The following PPP1R9A variants were observed in gnomAD, a reference collection of about 807,000 sequenced individuals.
The protein encoded by PPP1R9A is neurabin-1.
PPP1R9A carries 59 observed loss-of-function variants against 141.9 expected under a neutral mutation model. That is an observed-to-expected ratio of 0.42 (90% CI 0.34 to 0.52). The LOEUF (loss-of-function observed/expected upper bound fraction) is 0.52. PPP1R9A is among the 20% of genes least tolerant of loss of function. The pLI is 0.10. For synonymous variants in PPP1R9A, 500 were observed against 569.7 expected, an observed-to-expected ratio of 0.88 and a Z score of 1.74; for missense variants, 1,444 against 1,611.9, an observed-to-expected ratio of 0.90 and a Z score of 1.78.
intron 14 of PPP1R9A, among the ~76,000 whole-genome samples, chr7:95,273,468 T>C (rs913239462): frequency 6.6e-6 from 1 of 152,160 alleles, no homozygotes; most frequent in Non-Finnish European, 1.5e-5. Context: ...GCTTTGGAGA[T>C]ACGGGAGAAG....
intron 16 of PPP1R9A, among the ~76,000 whole-genome samples, chr7:95,282,373 G>C (rs1323617733): frequency 6.6e-6 from 1 of 152,114 alleles, no homozygotes; most frequent in Non-Finnish European, 1.5e-5. Flanking sequence ...TGCATAGATA[G>C]TGAGAACTCC....
At chr7:94,980,706 C>T (rs575788915) in intron 2 of PPP1R9A, among the ~76,000 whole-genome samples, 1 of 151,410 alleles carries the variant, frequency 6.6e-6, no homozygotes. Flanking sequence ...CCTACCTTAT[C>T]TCTGAGGTGC....
In PPP1R9A at chr7:95,079,223, A is replaced by G. The variant is rs1270799375; in HGVS notation, c.1396-32036A>G. On this transcript the variant is annotated intron_variant, in intron 2 of 19. Coordinates refer to ENST00000433360, the MANE Select transcript of PPP1R9A (RefSeq NM_001166160.2). ...ATGGCTAGCCAGTTTTCCTAGCACC[A>G]TTTATTAAATAGGGAATCCTTTCCC... Among the ~76,000 whole-genome samples, 26 of 152,312 alleles carry G rather than the reference A, an allele frequency of 1.7e-4. No individual in the cohort carries two copies. In the East Asian group the frequency reaches 5.0e-3, roughly 29 times the overall value.
intron 18 of PPP1R9A, chr7:95,287,082 T>G (rs1355292441): frequency 1.2e-6 from 2 of 1,602,550 alleles, no homozygotes; most frequent in East Asian, 2.2e-5. Flanking sequence ...ACTTTTCTTC[T>G]TGATTCTTTT....
intron 2 of PPP1R9A, among the ~76,000 whole-genome samples, chr7:95,042,680 G>A (rs1463175360): frequency 5.9e-5 from 9 of 152,106 alleles, no homozygotes. Context: ...TTCATGATGT[G>A]TTGATCTAAA....
rs192997717 is a variant in PPP1R9A at position 95,108,292 on chromosome 7, T to G, written c.1396-2967T>G. Among the ~76,000 whole-genome samples the G allele has an allele frequency of 1.6e-4, 23 of 148,324 alleles. No homozygotes were observed. In the East Asian group the frequency reaches 4.3e-3, roughly 28 times the overall value. ...TTCTTTTTCTTTTTCTTTTCTTTTC[T>G]TTTTCGTTTCTTTTCTTTTTTTTTT... On this transcript the variant is annotated intron_variant, in intron 2 of 19. Coordinates refer to ENST00000433360, the MANE Select transcript of PPP1R9A (RefSeq NM_001166160.2).
intron 7 of PPP1R9A, among the ~76,000 whole-genome samples, chr7:95,211,894 G>A (rs1215744186): frequency 1.3e-5 from 2 of 152,156 alleles, no homozygotes; most frequent in Non-Finnish European, 2.9e-5. Context: ...GGAAGCTGAG[G>A]TGGGAAGATC....
intron 5 of PPP1R9A, among the ~76,000 whole-genome samples, chr7:95,181,162 A>ATATATATATAGATATATCTATC (rs1833685063): frequency 6.8e-6 from 1 of 147,414 alleles, no homozygotes; most frequent in Non-Finnish European, 1.5e-5. Flanking sequence ...AGAAACTGTG[A>ATATATATATAGATATATCTATC]TATATATATA....
intron 14 of PPP1R9A, among the ~76,000 whole-genome samples, chr7:95,270,398 T>C (rs1801986569): frequency 6.6e-6 from 1 of 152,172 alleles, no homozygotes; most frequent in Non-Finnish European, 1.5e-5. Context: ...GATAAGGCTC[T>C]GGTTACCCTA....
chr7:94,979,098 A>T (rs1799797198), intron 2 of PPP1R9A, among the ~76,000 whole-genome samples: 1 of 152,206 alleles, frequency 6.6e-6, no homozygotes, highest in Non-Finnish European at 1.5e-5. Flanking sequence ...TGTCCAGCCA[A>T]CATCAACATT....
chr7:95,265,713 T>A (rs1367385157), intron 12 of PPP1R9A, among the ~76,000 whole-genome samples: 1 of 152,178 alleles, frequency 6.6e-6, no homozygotes, highest in Admixed American at 6.6e-5. Context: ...TTTTAAAAAA[T>A]TATTTTTAGA....
intron 2 of PPP1R9A, among the ~76,000 whole-genome samples, chr7:94,959,126 G>T (rs1445088580): frequency 6.6e-5 from 10 of 151,772 alleles, no homozygotes; most frequent in African/African-American, 2.2e-4. Context: ...TTTTGCCTAT[G>T]GAAAGAATCA....
intron 2 of PPP1R9A, among the ~76,000 whole-genome samples, chr7:95,042,429 A>G (rs1809383948): frequency 6.6e-6 from 1 of 152,216 alleles, no homozygotes; most frequent in South Asian, 2.1e-4. Context: ...AATGAATTTA[A>G]GAATGCTATC....
chr7:95,273,216 G>A (rs1302877564), intron 14 of PPP1R9A, among the ~76,000 whole-genome samples: 1 of 152,126 alleles, frequency 6.6e-6, no homozygotes, highest in Non-Finnish European at 1.5e-5. Flanking sequence ...GGAGATTTTG[G>A]CATCTTCCAC....
intron 12 of PPP1R9A, among the ~76,000 whole-genome samples, chr7:95,259,227 C>A (rs1373388540): frequency 6.6e-6 from 1 of 150,616 alleles, no homozygotes; most frequent in South Asian, 2.1e-4. Context: ...AAATAGAGAA[C>A]AGAGAGGGCT....
At chr7:95,255,543 T>C (rs1459220636) in intron 12 of PPP1R9A, among the ~76,000 whole-genome samples, 3 of 152,126 alleles carry the variant, frequency 2.0e-5, no homozygotes, top group Admixed American at 6.5e-5. Flanking sequence ...CCTTAGGTGG[T>C]ACACTGACTT....
chr7:94,973,408 C>T (rs1374270627), intron 2 of PPP1R9A, among the ~76,000 whole-genome samples: 1 of 151,946 alleles, frequency 6.6e-6, no homozygotes, highest in Non-Finnish European at 1.5e-5. Flanking sequence ...AACCAAAAAG[C>T]GAGTTTGGGA....
chr7:95,044,997 G>A (rs1809797062), intron 2 of PPP1R9A, among the ~76,000 whole-genome samples: 1 of 152,028 alleles, frequency 6.6e-6, no homozygotes, highest in South Asian at 2.1e-4. Flanking sequence ...ATGGGTTCTA[G>A]GACTAGAGTT....
chr7:94,957,787 A>C (rs1345847518), intron 2 of PPP1R9A, among the ~76,000 whole-genome samples: 1 of 152,058 alleles, frequency 6.6e-6, no homozygotes, highest in Non-Finnish European at 1.5e-5. Context: ...CTTTCTTCAC[A>C]CTTCTTTTTG....
Sources: allele counts gnomAD v4.1 joint callset (sites outside exome capture counted in the v4.1 genomes callset), GRCh38; gene constraint gnomAD v4.1.1; transcripts MANE v1.5; gene names NCBI Gene and HGNC (gene_info 2026-07-23, HGNC 2026-07-21).